MYEF2: variants seen among roughly 807,000 people sequenced by gnomAD.
MYEF2 encodes myelin gene expression factor 2.
In MYEF2, 37 loss-of-function variants were observed where a neutral mutation model predicts 75.2. The ratio of observed to expected loss-of-function variants is 0.49; its 90% CI spans 0.38 to 0.65. The LOEUF (loss-of-function observed/expected upper bound fraction) is 0.65, where lower values mean the gene tolerates loss of function less well. Ranked by LOEUF, MYEF2 falls within the 30% of genes least tolerant of loss-of-function variation. MYEF2 has a pLI of 0.00. For missense variants in MYEF2, 634 were observed against 771.4 expected (o/e 0.82, Z 2.11); for synonymous variants, 195 against 241.6 (o/e 0.81, Z 1.79).
chr15:48,151,809 G>A (rs754855457), intron 12 of MYEF2, 65 bp downstream of exon 12: 5 of 1,543,394 alleles, frequency 3.2e-6, no homozygotes, highest in Non-Finnish European at 4.5e-6. Flanking sequence ...AAGTTATAGG[G>A]GGGAAATATT....
Position 48,137,707 on chromosome 15 carries a change from G to A in MYEF2, c.*5201C>T, listed in dbSNP as rs540829373. On this transcript the variant is annotated 3_prime_UTR_variant, in exon 17 of 17. Transcript: ENST00000324324. Reference sequence around the variant, plus strand: ...ATATGGGGCCAGAAAAAGGAACAAAGACACCTCCTATGTTTTAATCTTGAC... The same window carrying A: ...ATATGGGGCCAGAAAAAGGAACAAAAACACCTCCTATGTTTTAATCTTGAC... The A allele has an allele frequency of 6.6e-6, 1 of 152,172 alleles. No homozygotes were observed. The highest frequency in any genetic ancestry group is 2.1e-4 in the South Asian group (1 of 4,814). The allele number at this position is 152,172 out of a possible 1,614,324, so 9.4% of individuals were successfully genotyped here.
In MYEF2 at chr15:48,138,968, G is replaced by A; in HGVS notation, c.*3940C>T. ...AAAAGTGTTTACTTTTTCCACAACA[G>A]ATCCACCAAGTGTTTTCAACATGCC... is the stretch of plus-strand genomic sequence containing the variant. On this transcript the variant is annotated 3_prime_UTR_variant, in exon 17 of 17. Transcript: ENST00000324324. 6.2e-7 allele frequency: 1 copy of A among 1,608,934 alleles called. No individual in the cohort carries two copies. Among genetic ancestry groups the A allele is most frequent in the Non-Finnish European group, 8.5e-7 (1 of 1,177,564 alleles).
At chr15:48,155,613 GTCCAAATGAAT>G (rs1411292201) in intron 9 of MYEF2, among the ~76,000 whole-genome samples, 1 of 151,088 alleles carries the variant, frequency 6.6e-6, no homozygotes, top group Non-Finnish European at 1.5e-5. Flanking sequence ...CCATCCATAA[GTCCAAATGAAT>G]TCCAAAGAAT....
At chr15:48,176,082 A>C (rs1326222186) in intron 1 of MYEF2, among the ~76,000 whole-genome samples, 1 of 152,134 alleles carries the variant, frequency 6.6e-6, no homozygotes, top group African/African-American at 2.4e-5. Flanking sequence ...GTTCAATTCC[A>C]ACCAATACAT....
chr15:48,149,196 T>C lies in MYEF2; in HGVS notation c.1554A>G (p.Ile518Met). Residue 518 changes from isoleucine to methionine, a missense_variant, in exon 15 of 17, where the codon ATA becomes ATG. By Grantham distance (10) the Ile-to-Met change is conservative (BLOSUM62 1). Coordinates refer to ENST00000324324, the MANE Select transcript of MYEF2 (RefSeq NM_016132.5). This position sits in a 1 kb window ranked among gnomAD's most constrained non-coding sequence, Gnocchi z 4.0. ...GPMGSGMRER[I>M]GSKGNQIFVR... is the part of the protein sequence containing the mutation. ...CAAATATCTGGTTGCCTTTGGAGCCTATTCTCTCTCTCATTCCGCTTCCCA... is the reference window on the plus strand; with the variant it reads ...CAAATATCTGGTTGCCTTTGGAGCCCATTCTCTCTCTCATTCCGCTTCCCA... 6.2e-7 allele frequency: 1 copy of C among 1,613,456 alleles called. No homozygotes were observed. The highest frequency in any genetic ancestry group is 8.5e-7 in the Non-Finnish European group (1 of 1,179,470).
intron 16 of MYEF2, among the ~76,000 whole-genome samples, chr15:48,147,942 A>G (rs745438822): frequency 6.6e-6 from 1 of 152,060 alleles, no homozygotes; most frequent in Non-Finnish European, 1.5e-5. Context: ...CCATATGTAC[A>G]GAGGCAATAA....
intron 16 of MYEF2, among the ~76,000 whole-genome samples, chr15:48,147,436 G>A (rs1816827516): frequency 6.6e-6 from 1 of 151,608 alleles, no homozygotes; most frequent in African/African-American, 2.4e-5. Context: ...TATCTCATTT[G>A]GAGATTTTTT....
chr15:48,138,406 A>C lies in MYEF2; in HGVS notation c.*4502T>G, dbSNP rs1436973240. On this transcript the variant is annotated 3_prime_UTR_variant, in exon 17 of 17. Transcript: ENST00000324324. ...TACCTCCTACTTTAAGGTTATTTCT[A>C]TGAACTGTGGTAAAGTCTGAATTTA... 2 of 152,132 alleles carry C rather than the reference A, an allele frequency of 1.3e-5. No homozygotes were observed. The highest frequency in any genetic ancestry group is 2.9e-5 in the Non-Finnish European group (2 of 67,976). 9.4% of individuals were successfully genotyped at this position (152,132 alleles called of 1,614,324 possible). A position where few individuals can be genotyped will look rare whatever the true frequency, so the allele number is the denominator to read the frequency against.
Position 48,141,130 on chromosome 15 carries a change from C to A in MYEF2, c.*1778G>T, listed in dbSNP as rs147788058. On this transcript the variant is annotated 3_prime_UTR_variant, in exon 17 of 17. Transcript: ENST00000324324. ...TATTACAGGGGAAACACTAGAAATT[C>A]CCGATACAGTAATGGGCCTTACTTT... The A allele has an allele frequency of 2.7e-4, 440 of 1,613,108 alleles. 1 individual carries two copies. Among genetic ancestry groups the A allele is most frequent in the South Asian group, 1.4e-3 (125 of 91,032 alleles).
chr15:48,178,197 C>G lies in MYEF2; in HGVS notation c.41G>C (p.Gly14Ala). 4 of 1,509,440 alleles carry G rather than the reference C, an allele frequency of 2.6e-6. No homozygotes were observed. The highest frequency in any genetic ancestry group is 3.5e-6 in the Non-Finnish European group (4 of 1,130,490). The allele number at this position is 1,509,440 out of a possible 1,614,324, so 93.5% of individuals were successfully genotyped here. ...GGGCTGCAGGTGCGGGCTGTCGCCA[C>G]CAGTGGCCCCGGGCACCTCGGCCTT... ...ANKAEVPGAT[G>A]GDSPHLQPAE... The change falls in exon 1 of 17, where the codon GGT becomes GCT. Residue 14 changes from glycine to alanine, a missense_variant. Transcript: ENST00000324324.
intron 1 of MYEF2, among the ~76,000 whole-genome samples, chr15:48,177,680 C>A (rs1446262842): frequency 1.3e-5 from 2 of 152,144 alleles, no homozygotes; most frequent in Non-Finnish European, 2.9e-5. Flanking sequence ...CCGATGATGT[C>A]ATCCCTAGAT....
At position 48,142,498 on chromosome 15, in the gene MYEF2, T is replaced by C. The variant is rs1014499440; in HGVS notation, c.*410A>G. 6.7e-6 allele frequency: 4 copies of C among 599,048 alleles called. No individual in the cohort carries two copies. Among genetic ancestry groups the C allele is most frequent in the Non-Finnish European group, 1.1e-5 (4 of 377,088 alleles). 37.1% of individuals were successfully genotyped at this position (599,048 alleles called of 1,614,324 possible). A position where few individuals can be genotyped will look rare whatever the true frequency, so the allele number is the denominator to read the frequency against. ...TTTAAAACCAACCAAAATCACATCC[T>C]AATTTTTCTGAGCCCTTTCTTTTCA... is the stretch of plus-strand genomic sequence containing the variant. On this transcript the variant is annotated 3_prime_UTR_variant, in exon 17 of 17. Coordinates refer to ENST00000324324, the MANE Select transcript of MYEF2 (RefSeq NM_016132.5).
intron 1 of MYEF2, among the ~76,000 whole-genome samples, chr15:48,170,484 A>G (rs904885369): frequency 2.0e-5 from 3 of 152,184 alleles, no homozygotes; most frequent in African/African-American, 7.2e-5. Flanking sequence ...TAATAACAAA[A>G]CTTCAATTTT....
rs371758997 is a variant in MYEF2, at chr15:48,141,247, A to T, written c.*1661T>A. 203 of 1,494,898 alleles carry T rather than the reference A, an allele frequency of 1.4e-4. No individual in the cohort carries two copies. Among genetic ancestry groups the T allele is most frequent in the Admixed American group, 2.0e-4 (12 of 59,634 alleles). 92.6% of individuals were successfully genotyped at this position (1,494,898 alleles called of 1,614,324 possible). A position where few individuals can be genotyped will look rare whatever the true frequency, so the allele number is the denominator to read the frequency against. On this transcript the variant is annotated 3_prime_UTR_variant, in exon 17 of 17. Coordinates refer to ENST00000324324, the MANE Select transcript of MYEF2 (RefSeq NM_016132.5). ...CTAGGTCCCTCAAGCTGCAATGGTC[A>T]TTCTACAAGGCTAGAATGAGTAAAA...
At position 48,158,185 on chromosome 15, in the gene MYEF2, T is replaced by A. The variant is rs1567256777; in HGVS notation, c.911A>T (p.His304Leu). ...TATACAGGAACTCACCATTTTCACA[T>A]GCATAGGTCTATCAAATAAAAACTG... ...NGQFLFDRPM[H>L]VKMDDKSVPH... The change falls in exon 8 of 17, where the codon CAT becomes CTT. Residue 304 changes from histidine to leucine, a missense_variant. His to Leu is a moderately conservative substitution (Grantham distance 99). Transcript: ENST00000324324. 6.2e-7 allele frequency: 1 copy of A among 1,613,124 alleles called. No individual in the cohort carries two copies. The highest frequency in any genetic ancestry group is 2.2e-5 in the East Asian group (1 of 44,770).
chr15:48,163,555 T>G (rs966781335), intron 5 of MYEF2, among the ~76,000 whole-genome samples: 2 of 152,176 alleles, frequency 1.3e-5, no homozygotes, highest in African/African-American at 4.8e-5. Context: ...ATTGATGAGA[T>G]GGCTACACTA....
intron 9 of MYEF2, among the ~76,000 whole-genome samples, chr15:48,154,469 A>G (rs1567251340): frequency 6.6e-6 from 1 of 152,124 alleles, no homozygotes; most frequent in Non-Finnish European, 1.5e-5. Context: ...TTGCTTGCAT[A>G]ATGACATGTA....
chr15:48,151,124 T>C lies in MYEF2; in HGVS notation c.1354A>G (p.Met452Val), dbSNP rs143233428. The C allele has an allele frequency of 6.7e-5, 108 of 1,610,682 alleles. No individual in the cohort carries two copies. The highest frequency in any genetic ancestry group is 8.8e-5 in the Non-Finnish European group (104 of 1,178,040). The change falls in exon 14 of 17, where the codon ATG becomes GTG. Residue 452 changes from methionine (M) to valine (V), a missense_variant. Transcript: ENST00000324324. ...CTTATTCCAGATCCTACTGGACCCA[T>C]GTTAGAAGATCCTATTCTTCCTGCA... ...GFAGRIGSSN[M>V]GPVGSGISGG...
intron 14 of MYEF2, 35 bp downstream of exon 14, chr15:48,151,065 A>G: frequency 6.8e-7 from 1 of 1,468,000 alleles, no homozygotes; most frequent in East Asian, 2.3e-5. Context: ...GCACTCAAAT[A>G]TTACTGAATA....
Sources: gnomAD v4.1 joint callset for allele counts (sites outside exome capture counted in the v4.1 genomes callset) on GRCh38, gnomAD v4.1.1 for gene constraint, Gnocchi (gnomAD v3.1) non-coding constraint, MANE v1.5 for transcripts, NCBI Gene and HGNC (gene_info 2026-07-23, HGNC 2026-07-21) for gene names.